DOCK3: variants seen among roughly 807,000 people sequenced by gnomAD.
DOCK3 encodes the protein dedicator of cytokinesis protein 3.
Under a neutral mutation model 265.6 loss-of-function variants are expected in DOCK3, and 60 were observed. The ratio of observed to expected loss-of-function variants is 0.23; its 90% confidence interval spans 0.18 to 0.28. The LOEUF (loss-of-function observed/expected upper bound fraction) is 0.28, where lower values mean the gene tolerates loss of function less well. Ranked by LOEUF, DOCK3 falls within the 10% of genes least tolerant of loss-of-function variation. The pLI is 1.00. For missense variants in DOCK3, 1,981 were observed against 2,594.3 expected (o/e 0.76, Z 5.14); for synonymous variants, 881 against 938.0 (o/e 0.94, Z 1.11).
At chr3:50,899,309 T>C in intron 4 of DOCK3, among the ~76,000 whole-genome samples, 1 of 152,200 alleles carries the variant, frequency 6.6e-6, no homozygotes, top group East Asian at 1.9e-4. Context: ...CCTCTGTTTT[T>C]TTCACTTTCC....
chr3:50,914,954 T>G (rs1383035153), intron 4 of DOCK3, among the ~76,000 whole-genome samples: 1 of 152,072 alleles, frequency 6.6e-6, no homozygotes, highest in Non-Finnish European at 1.5e-5. Context: ...GGACTAGTGT[T>G]CTAGCTTCTG....
At chr3:50,924,606 G>C (rs1024101010) in intron 4 of DOCK3, among the ~76,000 whole-genome samples, 1 of 152,332 alleles carries the variant, frequency 6.6e-6, no homozygotes. Flanking sequence ...TCTTTGTCAT[G>C]AATGGGGTCA....
chr3:50,681,574 A>G (rs952151775), intron 1 of DOCK3, among the ~76,000 whole-genome samples: 1 of 152,172 alleles, frequency 6.6e-6, no homozygotes. Flanking sequence ...TTTTTCACAT[A>G]AAGGCTCTTA....
At chr3:50,794,323 C>CT (rs1285372320) in intron 2 of DOCK3, among the ~76,000 whole-genome samples, 1 of 152,166 alleles carries the variant, frequency 6.6e-6, no homozygotes, top group Non-Finnish European at 1.5e-5. Context: ...TGAATACTGT[C>CT]AGTGGCATGT....
chr3:51,013,655 C>T (rs182433674), intron 5 of DOCK3, among the ~76,000 whole-genome samples: 111 of 152,308 alleles, frequency 7.3e-4, no homozygotes, highest in African/African-American at 2.5e-3. Flanking sequence ...GCAGTCGGTC[C>T]GTTCTCAGAG....
intron 10 of DOCK3, among the ~76,000 whole-genome samples, chr3:51,153,285 T>C (rs1306695830): frequency 6.6e-6 from 1 of 152,204 alleles, no homozygotes; most frequent in African/African-American, 2.4e-5. Flanking sequence ...CAAGGCTCTG[T>C]GGGCATGGGA....
intron 12 of DOCK3, among the ~76,000 whole-genome samples, chr3:51,199,616 A>C (rs368774962): frequency 6.6e-6 from 1 of 152,358 alleles, no homozygotes; most frequent in East Asian, 1.9e-4. Flanking sequence ...GGCAGGGCAC[A>C]GACAAACAAA....
rs555452841 is a variant in DOCK3, at chr3:51,184,237, G to C, written c.1037+23535G>C. On this transcript the variant is annotated intron_variant, in intron 12 of 52. Coordinates refer to ENST00000266037, the MANE Select transcript of DOCK3 (RefSeq NM_004947.5). Reference sequence around the variant, plus strand: ...GAGGCAGGAGAATCGCTTGTACCTGGGAGGCAGAAATTGCAGTGAGCCAAG... The same window carrying C: ...GAGGCAGGAGAATCGCTTGTACCTGCGAGGCAGAAATTGCAGTGAGCCAAG... Among the ~76,000 whole-genome samples the C allele has an allele frequency of 9.3e-4, 142 of 151,984 alleles. No homozygotes were observed. The Middle Eastern group carries it at 0.01, about 11-fold the overall frequency.
intron 38 of DOCK3, among the ~76,000 whole-genome samples, chr3:51,342,109 C>T (rs558825283): frequency 6.6e-6 from 1 of 152,330 alleles, no homozygotes; most frequent in East Asian, 1.9e-4. Context: ...ATTCATGGAA[C>T]TGTAGTAGCT....
At chr3:51,205,272 A>G (rs1402182394) in intron 12 of DOCK3, among the ~76,000 whole-genome samples, 1 of 152,176 alleles carries the variant, frequency 6.6e-6, no homozygotes, top group East Asian at 1.9e-4. Context: ...ACTTTTACCT[A>G]AATATGCCTT....
At chr3:51,167,585 T>C (rs892987766) in intron 12 of DOCK3, among the ~76,000 whole-genome samples, 1 of 152,188 alleles carries the variant, frequency 6.6e-6, no homozygotes, top group African/African-American at 2.4e-5. Flanking sequence ...TTATGAACAC[T>C]GGATTTTTTT....
At chr3:50,819,454 C>G (rs747279329) in intron 2 of DOCK3, among the ~76,000 whole-genome samples, 2 of 152,096 alleles carry the variant, frequency 1.3e-5, no homozygotes, top group Non-Finnish European at 2.9e-5. Flanking sequence ...GTGTATTGAA[C>G]ACACTATTCC....
Position 50,893,940 on chromosome 3 carries a change from A to G in DOCK3, c.218+3859A>G, listed in dbSNP as rs1412235957. The stretch of plus-strand genomic sequence containing the variant: ...CTGAATAATGAGAACATTGGGACAC[A>G]GGAAGGGGAACATCACACACCGGGG... On this transcript the variant is annotated intron_variant, in intron 4 of 52. Coordinates refer to ENST00000266037, the MANE Select transcript of DOCK3 (RefSeq NM_004947.5). 2.3e-5 allele frequency among the ~76,000 whole-genome samples: 3 copies of G among 133,170 alleles called. No individual in the cohort carries two copies. The Admixed American group carries it at 2.7e-4, about 12-fold the overall frequency. The allele number at this position is 133,170 out of a possible 152,430, so 87.4% of individuals were successfully genotyped here.
intron 49 of DOCK3, among the ~76,000 whole-genome samples, chr3:51,372,131 T>A (rs531566403): frequency 6.6e-6 from 1 of 152,276 alleles, no homozygotes; most frequent in East Asian, 1.9e-4. Context: ...CCTAAACTCT[T>A]GTGAGTTGAC....
chr3:51,102,179 G>A (rs773967719), intron 9 of DOCK3, among the ~76,000 whole-genome samples: 10 of 152,162 alleles, frequency 6.6e-5, no homozygotes, highest in African/African-American at 1.9e-4. Context: ...TCTAGTGACC[G>A]GAGGTGTTTC....
At chr3:50,954,152 C>T (rs1403723265) in intron 5 of DOCK3, among the ~76,000 whole-genome samples, 1 of 152,090 alleles carries the variant, frequency 6.6e-6, no homozygotes, top group South Asian at 2.1e-4. Flanking sequence ...ACTGTACTTT[C>T]CGCTTCTATG....
intron 5 of DOCK3, among the ~76,000 whole-genome samples, chr3:51,042,574 T>C (rs1194768551): frequency 6.6e-6 from 1 of 152,080 alleles, no homozygotes; most frequent in East Asian, 1.9e-4. Context: ...TTCGACATAA[T>C]ATTGGAAGTT....
chr3:51,158,921 T>A (rs2085993864), intron 10 of DOCK3, among the ~76,000 whole-genome samples: 1 of 152,248 alleles, frequency 6.6e-6, no homozygotes, highest in South Asian at 2.1e-4. Context: ...TGTTACAGAA[T>A]GTTTTTATAT....
chr3:51,140,407 A>C (rs1477403635), intron 9 of DOCK3, among the ~76,000 whole-genome samples: 1 of 152,234 alleles, frequency 6.6e-6, no homozygotes, highest in Admixed American at 6.5e-5. Flanking sequence ...TTCAAGGTTC[A>C]TCAACATTTT....
Sources: allele counts gnomAD v4.1 joint callset (sites outside exome capture counted in the v4.1 genomes callset), GRCh38; gene constraint gnomAD v4.1.1; transcripts MANE v1.5; gene names NCBI Gene and HGNC (gene_info 2026-07-23, HGNC 2026-07-21).